The following INPP4B variants were observed in gnomAD, a reference collection of about 807,000 sequenced individuals.
INPP4B encodes inositol polyphosphate 4-phosphatase type II.
INPP4B carries 55 observed loss-of-function variants against 122.5 expected under a neutral mutation model. The observed-to-expected ratio is 0.45, with a 90% CI of 0.36 to 0.56. The LOEUF (loss-of-function observed/expected upper bound fraction) is 0.56. Ranked by LOEUF, INPP4B falls within the 20% of genes least tolerant of loss-of-function variation. INPP4B has a pLI of 0.00. For missense variants in INPP4B, 1,000 were observed against 1,097.7 expected, an observed-to-expected ratio of 0.91 and a Z score of 1.26; for synonymous variants, 403 against 388.7, an observed-to-expected ratio of 1.04 and a Z score of -0.43.
chr4:142,119,605 T>C (rs1795534818), intron 21 of INPP4B, among the ~76,000 whole-genome samples: 1 of 150,678 alleles, frequency 6.6e-6, no homozygotes, highest in South Asian at 2.1e-4. Context: ...ATGAGAACAC[T>C]TGGACACAGG....
intron 2 of INPP4B, among the ~76,000 whole-genome samples, chr4:142,553,648 T>C (rs527645829): frequency 2.0e-5 from 3 of 152,338 alleles, no homozygotes; most frequent in South Asian, 4.1e-4. Context: ...AGGCATGAGC[T>C]ACTGTACTCC....
At chr4:142,440,370 T>C (rs1165196109) in intron 3 of INPP4B, among the ~76,000 whole-genome samples, 1 of 152,118 alleles carries the variant, frequency 6.6e-6, no homozygotes, top group Non-Finnish European at 1.5e-5. Context: ...CTCCAGGAAG[T>C]GAACTACGTG....
At chr4:142,121,787 T>C (rs190596575) in intron 21 of INPP4B, among the ~76,000 whole-genome samples, 178 of 152,252 alleles carry the variant, frequency 1.2e-3, no homozygotes, top group Middle Eastern at 3.4e-3. Context: ...GTCTATTAAC[T>C]GAACAACTCC....
At chr4:142,037,956 G>A (rs573906385) in intron 25 of INPP4B, among the ~76,000 whole-genome samples, 1 of 152,052 alleles carries the variant, frequency 6.6e-6, no homozygotes, top group East Asian at 1.9e-4. Flanking sequence ...AAAATCTTAA[G>A]TTTCCATAGT....
intron 7 of INPP4B, among the ~76,000 whole-genome samples, chr4:142,371,086 T>C (rs1200723705): frequency 2.6e-5 from 4 of 151,916 alleles, no homozygotes; most frequent in South Asian, 2.1e-4. Flanking sequence ...AAAAGACACA[T>C]AGACCAATGG....
At chr4:142,313,050 C>A (rs993665590) in intron 8 of INPP4B, among the ~76,000 whole-genome samples, 2 of 152,264 alleles carry the variant, frequency 1.3e-5, no homozygotes, top group South Asian at 4.1e-4. Flanking sequence ...GGCTTCCTCC[C>A]CACTGCACGT....
intron 3 of INPP4B, among the ~76,000 whole-genome samples, chr4:142,450,979 C>T (rs1015362488): frequency 6.7e-6 from 1 of 149,554 alleles, no homozygotes; most frequent in African/African-American, 2.5e-5. Flanking sequence ...ATTAACTCCC[C>T]CCCCCAAAAA....
At chr4:142,336,564 G>T (rs1776658013) in intron 7 of INPP4B, among the ~76,000 whole-genome samples, 1 of 152,274 alleles carries the variant, frequency 6.6e-6, no homozygotes, top group Admixed American at 6.5e-5. Context: ...CCACACCAGG[G>T]GTTGGGGGAA....
intron 2 of INPP4B, among the ~76,000 whole-genome samples, chr4:142,707,340 C>T (rs1762588485): frequency 6.6e-6 from 1 of 152,172 alleles, no homozygotes; most frequent in African/African-American, 2.4e-5. Context: ...TTTCCTAATG[C>T]AGTGCCATCC....
intron 1 of INPP4B, among the ~76,000 whole-genome samples, chr4:142,825,133 C>T (rs1781301590): frequency 6.6e-6 from 1 of 152,026 alleles, no homozygotes; most frequent in Non-Finnish European, 1.5e-5. Context: ...AGGCTATTTG[C>T]ATTTTGTGAA....
intron 9 of INPP4B, among the ~76,000 whole-genome samples, chr4:142,283,110 C>T (rs1751952338): frequency 6.6e-6 from 1 of 151,922 alleles, no homozygotes; most frequent in African/African-American, 2.4e-5. Flanking sequence ...GGAGATGTAT[C>T]CGATTTTAGT....
chr4:142,548,758 TG>T (rs1727271581), intron 2 of INPP4B, among the ~76,000 whole-genome samples: 1 of 148,578 alleles, frequency 6.7e-6, no homozygotes, highest in African/African-American at 2.5e-5. Flanking sequence ...TCTGTGTGTG[TG>T]TGTGTGTGTG....
intron 25 of INPP4B, among the ~76,000 whole-genome samples, chr4:142,051,527 C>T (rs965657947): frequency 1.3e-5 from 2 of 151,900 alleles, no homozygotes; most frequent in African/African-American, 4.8e-5. Flanking sequence ...AAATGTACAT[C>T]TATTTTTTAT....
At chr4:142,690,819 G>A (rs572081578) in intron 2 of INPP4B, among the ~76,000 whole-genome samples, 112 of 152,168 alleles carry the variant, frequency 7.4e-4, no homozygotes, top group African/African-American at 2.6e-3. Context: ...TTAGAAATAA[G>A]TCCTGAGGAC....
intron 25 of INPP4B, among the ~76,000 whole-genome samples, chr4:142,036,998 A>G (rs1744362159): frequency 6.6e-6 from 1 of 152,192 alleles, no homozygotes; most frequent in Admixed American, 6.5e-5. Flanking sequence ...CTTCCTCACT[A>G]GGAGATTATG....
chr4:142,379,388 T>A (rs1398748696), intron 7 of INPP4B, among the ~76,000 whole-genome samples: 4 of 152,162 alleles, frequency 2.6e-5, no homozygotes, highest in Non-Finnish European at 5.9e-5. Flanking sequence ...GGAATCAGGC[T>A]CATGGCAATA....
intron 23 of INPP4B, among the ~76,000 whole-genome samples, chr4:142,091,159 A>G (rs1779361553): frequency 1.3e-5 from 2 of 152,150 alleles, no homozygotes; most frequent in Non-Finnish European, 2.9e-5. Flanking sequence ...TTTCTTACGA[A>G]AATTCCAAAG....
intron 1 of INPP4B, among the ~76,000 whole-genome samples, chr4:142,844,824 G>A (rs189274451): frequency 6.6e-6 from 1 of 152,264 alleles, no homozygotes; most frequent in African/African-American, 2.4e-5. Flanking sequence ...TTTCAAGCAA[G>A]GTCTTTGAAA....
intron 2 of INPP4B, among the ~76,000 whole-genome samples, chr4:142,576,693 AC>A (rs1392197260): frequency 1.3e-5 from 2 of 152,008 alleles, no homozygotes; most frequent in African/African-American, 4.8e-5. Context: ...TTGCAATGAC[AC>A]TCAAGGATTT....
Sources: allele counts gnomAD v4.1 joint callset (sites outside exome capture counted in the v4.1 genomes callset), GRCh38; gene constraint gnomAD v4.1.1; transcripts MANE v1.5; gene names NCBI Gene and HGNC (gene_info 2026-07-23, HGNC 2026-07-21).